The following MAGI3 variants were observed in gnomAD, a reference collection of about 807,000 sequenced individuals.
The protein encoded by MAGI3 is membrane associated guanylate kinase, WW and PDZ domain containing 3.
Under a neutral mutation model 121.8 loss-of-function variants are expected in MAGI3, and 43 were observed. That is an observed-to-expected ratio of 0.35 (90% CI 0.28 to 0.46). The LOEUF (loss-of-function observed/expected upper bound fraction) is 0.46, where lower values mean the gene tolerates loss of function less well. Among genes scored for constraint, MAGI3 ranks in the 20% least tolerant of loss-of-function variants. The pLI, the probability that MAGI3 is intolerant of heterozygous loss-of-function variation, is 1.00. For missense variants in MAGI3, 1,547 were observed against 1,797.3 expected (o/e 0.86, Z 2.52); for synonymous variants, 553 against 639.3 (o/e 0.86, Z 2.04).
rs1656266465 is a variant in MAGI3, at chr1:113,484,648, C to A, written c.317-64867C>A. ...TACCTACCTTTCTCCCTTCCCTTCC[C>A]TCCCCTCCCCTCCCCTCCCCTCCCT... On this transcript the variant is annotated intron_variant, in intron 1 of 20. Transcript: ENST00000307546. Among the ~76,000 whole-genome samples, 3 of 30,658 alleles carry A rather than the reference C, an allele frequency of 9.8e-5. No homozygotes were observed. The South Asian group carries it at 6.6e-3, about 68-fold the overall frequency. The allele number at this position is 30,658 out of a possible 152,430, so 20.1% of individuals were successfully genotyped here. A position where few individuals can be genotyped will look rare whatever the true frequency, so the allele number is the denominator to read the frequency against.
At chr1:113,639,324 G>A (rs890725834) in intron 9 of MAGI3, among the ~76,000 whole-genome samples, 9 of 152,216 alleles carry the variant, frequency 5.9e-5, no homozygotes, top group South Asian at 2.1e-4. Context: ...CATCTTCTGC[G>A]TCGCTCACGC....
At position 113,684,841 on chromosome 1, in the gene MAGI3, T is replaced by A. The variant is rs894245227; in HGVS notation, c.*827T>A. On this transcript the variant is annotated 3_prime_UTR_variant, in exon 21 of 21. Transcript: ENST00000307546. ...TTAATTATGAAACCATAAAGAAGCA[T>A]GTGGAAATAGTGTTTATTGCTCTTT... 6.6e-6 allele frequency: 1 copy of A among 152,484 alleles called. No individual in the cohort carries two copies. Among genetic ancestry groups the A allele is most frequent in the Non-Finnish European group, 1.5e-5 (1 of 68,022 alleles). 9.4% of individuals were successfully genotyped at this position (152,484 alleles called of 1,614,324 possible).
At chr1:113,562,916 A>T (rs1399517805) in intron 2 of MAGI3, among the ~76,000 whole-genome samples, 1 of 152,230 alleles carries the variant, frequency 6.6e-6, no homozygotes, top group Non-Finnish European at 1.5e-5. Context: ...AAATAATACC[A>T]ATTCTACACA....
chr1:113,454,544 T>A (rs1445284251), intron 1 of MAGI3, among the ~76,000 whole-genome samples: 1 of 152,178 alleles, frequency 6.6e-6, no homozygotes, highest in African/African-American at 2.4e-5. Flanking sequence ...ATGTGCAGAA[T>A]GTGCAGGTTT....
chr1:113,410,064 C>T (rs1489088532), intron 1 of MAGI3, among the ~76,000 whole-genome samples: 1 of 152,164 alleles, frequency 6.6e-6, no homozygotes, highest in Non-Finnish European at 1.5e-5. Context: ...GGCAGCTCCA[C>T]TTCTCTTGCC....
intron 6 of MAGI3, among the ~76,000 whole-genome samples, chr1:113,610,918 G>C (rs980709969): frequency 6.6e-6 from 1 of 151,588 alleles, no homozygotes; most frequent in Non-Finnish European, 1.5e-5. Flanking sequence ...TGGCGACAGA[G>C]GAAGACTCCA....
intron 1 of MAGI3, among the ~76,000 whole-genome samples, chr1:113,420,930 G>T (rs1336066573): frequency 1.3e-5 from 2 of 151,966 alleles, no homozygotes; most frequent in Admixed American, 1.3e-4. Flanking sequence ...AAAAGTTTAT[G>T]TACTTTCAGA....
At chr1:113,639,848 G>A (rs563747749) in intron 9 of MAGI3, among the ~76,000 whole-genome samples, 8 of 152,164 alleles carry the variant, frequency 5.3e-5, no homozygotes, top group East Asian at 1.9e-4. Context: ...GATTACAGGC[G>A]TGAGCCACCG....
chr1:113,483,139 TG>T (rs1230225788), intron 1 of MAGI3, among the ~76,000 whole-genome samples: 1 of 152,240 alleles, frequency 6.6e-6, no homozygotes, highest in East Asian at 1.9e-4. Context: ...AAAAGATTAC[TG>T]GAAAATTTGA....
chr1:113,584,971 T>C (rs1267100439), intron 3 of MAGI3, among the ~76,000 whole-genome samples: 1 of 141,504 alleles, frequency 7.1e-6, no homozygotes, highest in Non-Finnish European at 1.5e-5. Flanking sequence ...TATTTCCTTT[T>C]TTTTTTTTTT....
intron 6 of MAGI3, among the ~76,000 whole-genome samples, chr1:113,613,016 T>C (rs946092612): frequency 4.6e-5 from 7 of 152,116 alleles, no homozygotes; most frequent in African/African-American, 1.4e-4. Flanking sequence ...CAAGAAAATT[T>C]CTATTAAAGA....
chr1:113,489,218 A>G (rs1191286591), intron 1 of MAGI3, among the ~76,000 whole-genome samples: 1 of 148,120 alleles, frequency 6.8e-6, no homozygotes, highest in Non-Finnish European at 1.5e-5. Context: ...GGAGCCAGAG[A>G]ACAAAGAGCC....
intron 1 of MAGI3, among the ~76,000 whole-genome samples, chr1:113,526,434 G>C (rs916757785): frequency 1.3e-5 from 2 of 152,110 alleles, no homozygotes; most frequent in Non-Finnish European, 2.9e-5. Context: ...GTGTTCCAGA[G>C]AAAAGGAACA....
chr1:113,397,898 A>G (rs1043557262), intron 1 of MAGI3, among the ~76,000 whole-genome samples: 1 of 152,168 alleles, frequency 6.6e-6, no homozygotes, highest in African/African-American at 2.4e-5. Context: ...TTATGGGAAA[A>G]CACAATTTGC....
intron 8 of MAGI3, among the ~76,000 whole-genome samples, chr1:113,621,780 A>G: frequency 6.6e-6 from 1 of 151,358 alleles, no homozygotes; most frequent in African/African-American, 2.4e-5. Flanking sequence ...ATAAAGAGCA[A>G]TAAAGTACTG....
rs867894522 is a variant in MAGI3, at chr1:113,633,792, A to G, written c.1361-8119A>G. Reference sequence around the variant, plus strand: ...GGTCAAATGGTATTTCTAGTTCTAGATCCCTGAGGAATCACCACACTGACT... The same window carrying G: ...GGTCAAATGGTATTTCTAGTTCTAGGTCCCTGAGGAATCACCACACTGACT... On this transcript the variant is annotated intron_variant, in intron 9 of 20. Transcript: ENST00000307546. Among the ~76,000 whole-genome samples the G allele has an allele frequency of 7.1e-4, 108 of 152,304 alleles. 1 individual carries two copies. The highest frequency in any genetic ancestry group is 2.4e-3 in the African/African-American group (99 of 41,562).
chr1:113,609,609 T>A (rs546987121), intron 6 of MAGI3, among the ~76,000 whole-genome samples: 2 of 152,348 alleles, frequency 1.3e-5, no homozygotes, highest in Non-Finnish European at 2.9e-5. Flanking sequence ...CTTACAAATA[T>A]ATTGAATGTT....
intron 1 of MAGI3, among the ~76,000 whole-genome samples, chr1:113,436,967 A>G (rs1314842234): frequency 6.6e-6 from 1 of 151,844 alleles, no homozygotes; most frequent in African/African-American, 2.4e-5. Context: ...GGCGTGTGCC[A>G]CCACGTCCAG....
chr1:113,428,741 T>C (rs1024412283), intron 1 of MAGI3, among the ~76,000 whole-genome samples: 1 of 152,242 alleles, frequency 6.6e-6, no homozygotes, highest in Non-Finnish European at 1.5e-5. Context: ...AAATTTAACA[T>C]GTGTGGCACG....
Sources: allele counts gnomAD v4.1 joint callset (sites outside exome capture counted in the v4.1 genomes callset), GRCh38; gene constraint gnomAD v4.1.1; transcripts MANE v1.5; gene names NCBI Gene and HGNC (gene_info 2026-07-23, HGNC 2026-07-21).